UBASH3A: variants seen among roughly 807,000 people sequenced by gnomAD.
UBASH3A encodes the protein ubiquitin associated and SH3 domain containing A.
Under a neutral mutation model 73.5 loss-of-function variants are expected in UBASH3A, and 63 were observed. The observed-to-expected ratio is 0.86, with a 90% confidence interval of 0.70 to 1.06. UBASH3A has a LOEUF of 1.06. UBASH3A is among the 50% of genes least tolerant of loss of function. The pLI is 0.00. For missense variants in UBASH3A, 860 were observed against 859.0 expected (o/e 1.00, Z -0.02); for synonymous variants, 363 against 351.1 (o/e 1.03, Z -0.38).
intron 5 of UBASH3A, 33 bp from the exon 6 acceptor site, chr21:42,416,409 C>A: frequency 6.5e-7 from 1 of 1,526,922 alleles, no homozygotes; most frequent in Non-Finnish European, 8.8e-7. Context: ...GTAACGGTGT[C>A]CTGGCACCCT....
At chr21:42,435,297 T>C (rs142487181) in intron 10 of UBASH3A, 1 of 172,020 alleles carries the variant, frequency 5.8e-6, no homozygotes, top group African/African-American at 2.4e-5. Flanking sequence ...CTCTCATTCG[T>C]TGGTTTTATT....
chr21:42,427,557 G>A (rs1048782722), intron 8 of UBASH3A, among the ~76,000 whole-genome samples: 9 of 152,162 alleles, frequency 5.9e-5, no homozygotes, highest in Non-Finnish European at 1.3e-4. Context: ...CACAGGAGGC[G>A]CTATTCCTGC....
chr21:42,426,745 T>A lies in UBASH3A; in HGVS notation c.1095T>A (p.Gly365=). 1 of 1,614,168 alleles carries A rather than the reference T, an allele frequency of 6.2e-7. No individual in the cohort carries two copies. Among genetic ancestry groups the A allele is most frequent in the South Asian group, 1.1e-5 (1 of 91,086 alleles). The change falls in exon 8 of 15, where the codon GGT becomes GGA. Residue 365 remains glycine (G), a synonymous_variant. Coordinates refer to ENST00000319294, the MANE Select transcript of UBASH3A (RefSeq NM_018961.4). The part of the protein sequence containing the change: ...LATDLNSRKD[G]EASSRCSGEF... ...CAGACCTGAACTCCAGAAAGGATGG[T>A]GAAGCCAGCAGCAGATGCAGCGGGG...
At chr21:42,415,989 T>C (rs9979279) in intron 5 of UBASH3A, among the ~76,000 whole-genome samples, 6,589 of 152,226 alleles carry the variant, frequency 0.043, 508 homozygotes, top group African/African-American at 0.15. Context: ...TCCCAGGACT[T>C]CCTGCTTCAC....
Position 42,418,572 on chromosome 21 carries a change from G to A in UBASH3A, c.1009G>A (p.Asp337Asn), listed in dbSNP as rs1431845361. 3 of 1,614,016 alleles carry A rather than the reference G, an allele frequency of 1.9e-6. No individual in the cohort carries two copies. The highest frequency in any genetic ancestry group is 2.7e-5 in the African/African-American group (2 of 74,924). The change falls in exon 7 of 15, where the codon GAT (aspartate) becomes AAT (asparagine). Residue 337 changes from aspartate to asparagine, a missense_variant. Physicochemically the swap from Asp to Asn is conservative, Grantham distance 23. Coordinates refer to ENST00000319294, the MANE Select transcript of UBASH3A (RefSeq NM_018961.4). ...CRGFLPENYT[D>N]RASESDTWVK... is the part of the protein sequence containing the mutation. ...GGGCTTCCTGCCGGAAAACTACACGGATCGAGCCAGTGAGTCTGACACGTG... is the reference window on the plus strand; with the variant it reads ...GGGCTTCCTGCCGGAAAACTACACGAATCGAGCCAGTGAGTCTGACACGTG...
chr21:42,407,952 G>C lies in UBASH3A; in HGVS notation c.168-1470G>C, dbSNP rs527433506. Among the ~76,000 whole-genome samples the C allele has an allele frequency of 4.6e-5, 7 of 152,344 alleles. No homozygotes were observed. In the South Asian group the frequency reaches 1.2e-3, roughly 27 times the overall value. ...CGCGCTGACAAACTTCACTAGACAC[G>C]TGTGTATCAACAGGGATTAATTGAA... On this transcript the variant is annotated intron_variant, in intron 2 of 14. Transcript: ENST00000319294.
chr21:42,419,297 A>G (rs2053288136), intron 7 of UBASH3A, among the ~76,000 whole-genome samples: 1 of 152,238 alleles, frequency 6.6e-6, no homozygotes, highest in Non-Finnish European at 1.5e-5. Flanking sequence ...ATCATCAGAT[A>G]CTGGTTCTTT....
intron 8 of UBASH3A, among the ~76,000 whole-genome samples, chr21:42,427,242 G>A (rs1272795752): frequency 6.6e-6 from 1 of 152,180 alleles, no homozygotes; most frequent in African/African-American, 2.4e-5. Context: ...CCCCGAGCTG[G>A]CCACCCTCAT....
At chr21:42,406,126 C>A (rs993235685) in intron 1 of UBASH3A, among the ~76,000 whole-genome samples, 182 bp from the exon 2 acceptor site, 2 of 151,952 alleles carry the variant, frequency 1.3e-5, no homozygotes, top group Non-Finnish European at 2.9e-5. Context: ...TCAGCATTGT[C>A]CAAAACCACG....
intron 14 of UBASH3A, among the ~76,000 whole-genome samples, chr21:42,444,930 A>G (rs536398947): frequency 2.4e-4 from 36 of 151,932 alleles, no homozygotes; most frequent in African/African-American, 8.7e-4. Flanking sequence ...CAGACGGTCC[A>G]GGAAGGAGTA....
chr21:42,410,374 AC>A, intron 3 of UBASH3A: 1 of 566,036 alleles, frequency 1.8e-6, no homozygotes, highest in Non-Finnish European at 3.1e-6. Context: ...GATTTGTTCC[AC>A]CCATTTCAAG....
At chr21:42,444,013 C>T (rs2053801314) in intron 13 of UBASH3A, among the ~76,000 whole-genome samples, 1 of 152,200 alleles carries the variant, frequency 6.6e-6, no homozygotes, top group Admixed American at 6.5e-5. Flanking sequence ...CCTAACCCTC[C>T]CGTGTTGCTT....
chr21:42,407,486 C>T (rs1485588833), intron 2 of UBASH3A, among the ~76,000 whole-genome samples: 2 of 152,250 alleles, frequency 1.3e-5, no homozygotes, highest in Non-Finnish European at 2.9e-5. Context: ...CTGCCCACTG[C>T]AACCCAGTCA....
chr21:42,416,607 A>T lies in UBASH3A; in HGVS notation c.833A>T (p.Tyr278Phe). The change falls in exon 6 of 15, where the codon TAC (tyrosine) becomes TTC (phenylalanine). Residue 278 changes from tyrosine to phenylalanine, a missense_variant. Coordinates refer to ENST00000319294, the MANE Select transcript of UBASH3A (RefSeq NM_018961.4). ...LYSRDMRFVHYQTLRALFQYK... is the reference protein window; with the variant it reads ...LYSRDMRFVHFQTLRALFQYK... ...TCCCGAGACATGCGCTTTGTGCACTACCAGGTGAGAGAGCTGAGCAGGGGC... is the reference window on the plus strand; with the variant it reads ...TCCCGAGACATGCGCTTTGTGCACTTCCAGGTGAGAGAGCTGAGCAGGGGC... 1 of 1,577,778 alleles carries T rather than the reference A, an allele frequency of 6.3e-7. No homozygotes were observed. Among genetic ancestry groups the T allele is most frequent in the Non-Finnish European group, 8.6e-7 (1 of 1,161,824 alleles).
In UBASH3A at chr21:42,447,187, G is replaced by A. The variant is rs1601611787; in HGVS notation, c.1979G>A (p.Gly660Asp). ...TTTAACTGGAGGAACTGGATCTCAG[G>A]CAACTGAGAGCCACGGTGATGTTGT... ...AAFNWRNWIS[G>D]N Residue 660 changes from glycine (G) to aspartate (D), a missense_variant, in exon 15 of 15, where the codon GGC (glycine) becomes GAC (aspartate). Coordinates refer to ENST00000319294, the MANE Select transcript of UBASH3A (RefSeq NM_018961.4). 1 of 1,613,828 alleles carries A rather than the reference G, an allele frequency of 6.2e-7. No individual in the cohort carries two copies. Among genetic ancestry groups the A allele is most frequent in the Non-Finnish European group, 8.5e-7 (1 of 1,179,922 alleles).
chr21:42,428,823 A>G (rs2053482242), intron 8 of UBASH3A, among the ~76,000 whole-genome samples: 2 of 152,050 alleles, frequency 1.3e-5, no homozygotes, highest in African/African-American at 4.8e-5. Context: ...GGCCCCCCTC[A>G]CACGGTCTTC....
At chr21:42,444,366 G>A (rs1007549530) in intron 13 of UBASH3A, among the ~76,000 whole-genome samples, 168 bp from the exon 14 acceptor site, 3 of 152,222 alleles carry the variant, frequency 2.0e-5, no homozygotes, top group African/African-American at 4.8e-5. Flanking sequence ...AGGGTGGGAC[G>A]CAGGCATCAC....
chr21:42,442,939 G>T (rs1450802915), intron 12 of UBASH3A, among the ~76,000 whole-genome samples: 1 of 152,160 alleles, frequency 6.6e-6, no homozygotes, highest in South Asian at 2.1e-4. Flanking sequence ...GATGTCGAAG[G>T]TAGGAGGTTC....
chr21:42,426,922 A>G, intron 8 of UBASH3A, 102 bp downstream of exon 8: 2 of 1,427,368 alleles, frequency 1.4e-6, no homozygotes, highest in Non-Finnish European at 1.9e-6. Flanking sequence ...CTTTTGTTCC[A>G]TAGACACATC....
Sources: gnomAD v4.1 joint callset for allele counts (sites outside exome capture counted in the v4.1 genomes callset) on GRCh38, gnomAD v4.1.1 for gene constraint, MANE v1.5 for transcripts, NCBI Gene and HGNC (gene_info 2026-07-23, HGNC 2026-07-21) for gene names.